Variants in GPM6B observed in about 807,000 individuals in gnomAD.
The protein encoded by GPM6B is glycoprotein M6B.
A neutral mutation model predicts 27.2 loss-of-function variants in GPM6B; 4 were observed. The observed-to-expected ratio is 0.15, with a 90% CI of 0.07 to 0.34. The LOEUF (loss-of-function observed/expected upper bound fraction) is 0.34. GPM6B is among the 10% of genes least tolerant of loss of function. The probability of loss-of-function intolerance (pLI) is 1.00; values close to 1 mark genes in which losing one functional copy is unlikely to be tolerated. For synonymous variants in GPM6B, 124 were observed against 103.1 expected, an observed-to-expected ratio of 1.20 and a Z score of -1.23; for missense variants, 183 against 261.9, an observed-to-expected ratio of 0.70 and a Z score of 2.08.
At position 13,900,570 on chromosome X, in the gene GPM6B, C is replaced by T. The variant is rs372426672; in HGVS notation, c.-198+37757G>A. Among the ~76,000 whole-genome samples, 19 of 111,105 alleles carry T rather than the reference C, an allele frequency of 1.7e-4. No individual in the cohort carries two copies. The South Asian group carries it at 2.3e-3, about 14-fold the overall frequency. The stretch of plus-strand genomic sequence containing the variant: ...TCTGACGTCATGTAGTTCAGGTGGG[C>T]GCAGTTTTCTGCATTCACCTAATGT... On this transcript the variant is annotated intron_variant, in intron 1 of 6. Transcript: ENST00000398361.
At chrX:13,839,222 C>T (rs949093076) in intron 1 of GPM6B, among the ~76,000 whole-genome samples, 1 of 111,569 alleles carries the variant, frequency 9.0e-6, no homozygotes, top group African/African-American at 3.3e-5. Flanking sequence ...AGAGCTTAAC[C>T]GTTTCAACCA....
At chrX:13,789,836 G>A (rs970691127) in intron 2 of GPM6B, among the ~76,000 whole-genome samples, 1 of 106,195 alleles carries the variant, frequency 9.4e-6, no homozygotes, top group Admixed American at 9.9e-5. Flanking sequence ...AAGCCACTGC[G>A]TTTTTTTTTT....
At chrX:13,889,752 CTTTTT>C (rs55776374) in intron 1 of GPM6B, 1 of 103,301 alleles carries the variant, frequency 9.7e-6, no homozygotes, top group Non-Finnish European at 2.0e-5. Flanking sequence ...ATTTCCAGAA[CTTTTT>C]TTTTTTTATC....
At chrX:13,905,610 G>A (rs1312091590) in intron 1 of GPM6B, among the ~76,000 whole-genome samples, 1 of 111,437 alleles carries the variant, frequency 9.0e-6, no homozygotes, top group Non-Finnish European at 1.9e-5. Context: ...CCTCCAAGAA[G>A]GAGTTTTCTA....
intron 1 of GPM6B, among the ~76,000 whole-genome samples, chrX:13,833,492 A>T (rs1321758809): frequency 9.6e-6 from 1 of 103,631 alleles, no homozygotes; most frequent in East Asian, 3.2e-4. Flanking sequence ...AGGTGGGAGG[A>T]TCTCTTGAGC....
intron 1 of GPM6B, among the ~76,000 whole-genome samples, chrX:13,881,555 CGAT>C (rs770215051): frequency 1.1e-5 from 1 of 88,465 alleles, no homozygotes; most frequent in Admixed American, 1.3e-4. Flanking sequence ...TTTTCAGTGA[CGAT>C]GATGATGATT....
chrX:13,904,685 G>A (rs1197350736), intron 1 of GPM6B, among the ~76,000 whole-genome samples: 1 of 110,479 alleles, frequency 9.1e-6, no homozygotes, highest in Non-Finnish European at 1.9e-5. Context: ...AGACCCCTAC[G>A]TTAGACAAAC....
At chrX:13,802,476 A>G (rs2048939805) in intron 2 of GPM6B, among the ~76,000 whole-genome samples, 1 of 111,294 alleles carries the variant, frequency 9.0e-6, no homozygotes, top group African/African-American at 3.3e-5. Context: ...TAGCGCATAA[A>G]CAATGGAACG....
At chrX:13,938,263 G>A (rs1410964987) in intron 1 of GPM6B, 6 of 259,960 alleles carry the variant, frequency 2.3e-5, no homozygotes, top group Admixed American at 2.0e-4. Context: ...ACGTGCGGGG[G>A]TGCAGCCTGG....
chrX:13,836,387 C>T (rs890564353), intron 1 of GPM6B, among the ~76,000 whole-genome samples: 1 of 111,842 alleles, frequency 8.9e-6, no homozygotes, highest in African/African-American at 3.3e-5. Context: ...TACCTGCATG[C>T]ATCTGGATAA....
At chrX:13,812,483 T>C (rs1246154244) in intron 1 of GPM6B, among the ~76,000 whole-genome samples, 1 of 111,925 alleles carries the variant, frequency 8.9e-6, no homozygotes, top group Non-Finnish European at 1.9e-5. Flanking sequence ...TCCCTACTCC[T>C]GGCCAACTAT....
At chrX:13,861,005 TACACACACACACACACACACACAC>T (rs55808485) in intron 1 of GPM6B, among the ~76,000 whole-genome samples, 37 of 79,387 alleles carry the variant, frequency 4.7e-4, no homozygotes, top group Non-Finnish European at 8.0e-4. Flanking sequence ...TGAATGTGCA[TACACACACACACACACACACACAC>T]ACACACACAC....
At chrX:13,790,100 C>T (rs924750592) in intron 2 of GPM6B, among the ~76,000 whole-genome samples, 5 of 111,889 alleles carry the variant, frequency 4.5e-5, no homozygotes, top group African/African-American at 1.3e-4. Context: ...GTGATCCTCC[C>T]GCCTCGGCCT....
At chrX:13,847,089 T>C (rs2049658360) in intron 1 of GPM6B, among the ~76,000 whole-genome samples, 1 of 111,158 alleles carries the variant, frequency 9.0e-6, no homozygotes, top group East Asian at 2.8e-4. Flanking sequence ...AAACATGGTA[T>C]TATAAATTCA....
At chrX:13,916,278 C>G (rs934093166) in intron 1 of GPM6B, among the ~76,000 whole-genome samples, 7 of 112,242 alleles carry the variant, frequency 6.2e-5, no homozygotes, top group Non-Finnish European at 1.1e-4. Flanking sequence ...GGAAGCAGTT[C>G]TCTTCCTACA....
chrX:13,816,611 T>C (rs749432160), intron 1 of GPM6B, among the ~76,000 whole-genome samples: 4 of 110,872 alleles, frequency 3.6e-5, no homozygotes, highest in Non-Finnish European at 7.6e-5. Flanking sequence ...ACTATAGACA[T>C]CCCTCTATGA....
intron 1 of GPM6B, among the ~76,000 whole-genome samples, chrX:13,838,962 T>C (rs2049538527): frequency 9.0e-6 from 1 of 111,435 alleles, no homozygotes; most frequent in Admixed American, 9.5e-5. Flanking sequence ...CAGACCAAGA[T>C]GCCTCATGAT....
At chrX:13,931,429 A>C (rs745594292) in intron 1 of GPM6B, among the ~76,000 whole-genome samples, 85 of 109,713 alleles carry the variant, frequency 7.7e-4, no homozygotes, top group Non-Finnish European at 1.3e-3. Flanking sequence ...CAGAGCTTGC[A>C]GTGAGCCGAG....
chrX:13,927,978 G>A (rs1032732890), intron 1 of GPM6B, among the ~76,000 whole-genome samples: 2 of 111,481 alleles, frequency 1.8e-5, no homozygotes, highest in South Asian at 7.5e-4. Flanking sequence ...TTCCTAGTAC[G>A]GTTCTACACA....
Sources: allele counts gnomAD v4.1 joint callset (sites outside exome capture counted in the v4.1 genomes callset), GRCh38; gene constraint gnomAD v4.1.1; transcripts MANE v1.5; gene names NCBI Gene and HGNC (gene_info 2026-07-23, HGNC 2026-07-21).